The following CADPS variants were observed in gnomAD, a reference collection of about 807,000 sequenced individuals.
CADPS encodes calcium-dependent secretion activator 1.
In CADPS, 57 loss-of-function variants were observed where a neutral mutation model predicts 167.3. The ratio of observed to expected loss-of-function variants is 0.34; its 90% CI spans 0.28 to 0.42. The LOEUF (loss-of-function observed/expected upper bound fraction) is 0.42, where lower values mean the gene tolerates loss of function less well. Among genes scored for constraint, CADPS ranks in the 20% least tolerant of loss-of-function variants. CADPS has a pLI of 1.00. For synonymous variants in CADPS, 676 were observed against 635.3 expected (o/e 1.06, Z -0.96); for missense variants, 1,414 against 1,738.1 (o/e 0.81, Z 3.32).
At chr3:62,614,271 T>C (rs2061928760) in intron 6 of CADPS, among the ~76,000 whole-genome samples, 1 of 152,124 alleles carries the variant, frequency 6.6e-6, no homozygotes. Context: ...TAGGAATAAA[T>C]AATTTGACAA....
chr3:62,716,376 GT>G (rs2084631113), intron 3 of CADPS, among the ~76,000 whole-genome samples: 1 of 152,178 alleles, frequency 6.6e-6, no homozygotes, highest in Admixed American at 6.5e-5. Context: ...TCTAGATTTA[GT>G]AGAGAATGGT....
rs747201482 is a variant in CADPS at position 62,491,552 on chromosome 3, CACACAA to C, written c.2885-78_2885-73del. The C allele has an allele frequency of 3.6e-3, 3,142 of 883,620 alleles. 23 individuals carry two copies. The highest frequency in any genetic ancestry group is 0.027 in the African/African-American group (1,327 of 49,918). 54.7% of individuals were successfully genotyped at this position (883,620 alleles called of 1,614,324 possible). On this transcript the variant is annotated intron_variant, in intron 20 of 29. Transcript: ENST00000383710. ...TCAACGTACAACACACACACACACACACACAAACACACACACACACACACACACACA... is the reference window on the plus strand; with the variant it reads ...TCAACGTACAACACACACACACACACACACACACACACACACACACACACA...
At chr3:62,833,197 C>T (rs370308411) in intron 1 of CADPS, among the ~76,000 whole-genome samples, 6 of 152,000 alleles carry the variant, frequency 3.9e-5, no homozygotes, top group South Asian at 2.1e-4. Context: ...CTCTATTGCC[C>T]GGGCTGGATT....
chr3:62,854,600 A>G (rs1390461564), intron 1 of CADPS, among the ~76,000 whole-genome samples: 3 of 152,212 alleles, frequency 2.0e-5, no homozygotes, highest in East Asian at 1.9e-4. Flanking sequence ...GGTGAGAACT[A>G]TCACTGGGTG....
intron 16 of CADPS, chr3:62,513,762 A>G: frequency 8.8e-7 from 1 of 1,142,518 alleles, no homozygotes; most frequent in Non-Finnish European, 1.3e-6. Context: ...AAGAGGTTAA[A>G]GGTCATAGGT....
At chr3:62,507,851 A>G (rs1395515953) in intron 17 of CADPS, among the ~76,000 whole-genome samples, 1 of 152,218 alleles carries the variant, frequency 6.6e-6, no homozygotes, top group African/African-American at 2.4e-5. Context: ...CAAATAATAA[A>G]TTAATATATA....
At chr3:62,853,852 G>A (rs1286279098) in intron 1 of CADPS, among the ~76,000 whole-genome samples, 2 of 151,818 alleles carry the variant, frequency 1.3e-5, no homozygotes, top group African/African-American at 4.8e-5. Context: ...GTTACTTGGG[G>A]GGCTGAGGTG....
intron 11 of CADPS, among the ~76,000 whole-genome samples, chr3:62,549,598 A>G (rs1432624013): frequency 6.6e-6 from 1 of 152,100 alleles, no homozygotes; most frequent in Non-Finnish European, 1.5e-5. Context: ...AATCTACTAT[A>G]TTTGAAGGAC....
chr3:62,614,280 A>C (rs2061929809), intron 6 of CADPS, among the ~76,000 whole-genome samples: 1 of 152,146 alleles, frequency 6.6e-6, no homozygotes, highest in South Asian at 2.1e-4. Flanking sequence ...ATAATTTGAC[A>C]AAAGTCACAT....
rs2058551986 is a variant in CADPS, at chr3:62,455,212, T to C, written c.3637-9415A>G. Among the ~76,000 whole-genome samples, 1 of 149,396 alleles carries C rather than the reference T, an allele frequency of 6.7e-6. No individual in the cohort carries two copies. The highest frequency in any genetic ancestry group is 6.8e-5 in the Admixed American group (1 of 14,620). On this transcript the variant is annotated intron_variant, in intron 26 of 29. Coordinates refer to ENST00000383710, the MANE Select transcript of CADPS (RefSeq NM_003716.4). The surrounding 1 kb of genome is among the most constrained non-coding windows in gnomAD (Gnocchi z 4.4). ...TTCCAGTTTTCCTTTTCCTCATTTC[T>C]GTCCCAATCCCTCATTCCCAGAGAG...
intron 1 of CADPS, among the ~76,000 whole-genome samples, chr3:62,803,638 G>T (rs2152820928): frequency 6.6e-6 from 1 of 152,174 alleles, no homozygotes; most frequent in Middle Eastern, 3.4e-3. Context: ...GTAAAAGTGG[G>T]TATAACAATC....
intron 3 of CADPS, among the ~76,000 whole-genome samples, chr3:62,725,904 G>T (rs2076663531): frequency 2.0e-5 from 3 of 151,742 alleles, no homozygotes; most frequent in Admixed American, 6.6e-5. Context: ...CAAACACAGG[G>T]TAACTGAGGC....
chr3:62,725,614 T>A (rs498294), intron 3 of CADPS, among the ~76,000 whole-genome samples: 34,320 of 150,006 alleles, frequency 0.23, 4,376 homozygotes, highest in African/African-American at 0.32. Flanking sequence ...AAATGAATTA[T>A]TATGTGCAAA....
chr3:62,676,929 G>C (rs2076425404), intron 3 of CADPS, among the ~76,000 whole-genome samples: 1 of 152,128 alleles, frequency 6.6e-6, no homozygotes, highest in East Asian at 1.9e-4. Context: ...GGATGGAAGG[G>C]ATCTTATGCT....
In CADPS at chr3:62,874,434, C is replaced by G. The variant is rs2083271794; in HGVS notation, c.441+155G>C. Among the ~76,000 whole-genome samples, 1 of 152,080 alleles carries G rather than the reference C, an allele frequency of 6.6e-6. No individual in the cohort carries two copies. The highest frequency in any genetic ancestry group is 1.5e-5 in the Non-Finnish European group (1 of 67,990). ...GGGTTGGGCTGGGCCTGGGCGAGCCCGGCCGCTGGGAGGGGGCCTCGTAGC... is the reference window on the plus strand; with the variant it reads ...GGGTTGGGCTGGGCCTGGGCGAGCCGGGCCGCTGGGAGGGGGCCTCGTAGC... On this transcript the variant is annotated intron_variant, in intron 1 of 29. Transcript: ENST00000383710. This position sits in a 1 kb window ranked among gnomAD's most constrained non-coding sequence, Gnocchi z 7.1.
chr3:62,603,427 G>A (rs2060247435), intron 6 of CADPS, among the ~76,000 whole-genome samples: 1 of 152,208 alleles, frequency 6.6e-6, no homozygotes, highest in African/African-American at 2.4e-5. Context: ...TTAGCTCAGT[G>A]CTCAGTACAG....
chr3:62,869,647 T>C (rs2082277549), intron 1 of CADPS, among the ~76,000 whole-genome samples: 1 of 152,140 alleles, frequency 6.6e-6, no homozygotes, highest in African/African-American at 2.4e-5. Context: ...TAAAACTTTC[T>C]TATTCAGCTT....
intron 18 of CADPS, among the ~76,000 whole-genome samples, chr3:62,496,982 A>C (rs2064910131): frequency 6.6e-6 from 1 of 152,202 alleles, no homozygotes; most frequent in Non-Finnish European, 1.5e-5. Flanking sequence ...TGAAGTTTTC[A>C]TTACTAAGTT....
chr3:62,634,477 T>C lies in CADPS; in HGVS notation c.1325+11245A>G, dbSNP rs1016979323. On this transcript the variant is annotated intron_variant, in intron 6 of 29. Transcript: ENST00000383710. ...TTTTTACTCCATCGTGCATTTGGAA[T>C]GCTCACCTATTTTAAAAATGAATAT... Among the ~76,000 whole-genome samples the C allele has an allele frequency of 1.9e-4, 29 of 152,324 alleles. No homozygotes were observed. The Middle Eastern group carries it at 0.014, about 71-fold the overall frequency.
Sources: gnomAD v4.1 joint callset for allele counts (sites outside exome capture counted in the v4.1 genomes callset) on GRCh38, gnomAD v4.1.1 for gene constraint, Gnocchi (gnomAD v3.1) non-coding constraint, MANE v1.5 for transcripts, NCBI Gene and HGNC (gene_info 2026-07-23, HGNC 2026-07-21) for gene names.